Variants in TMEM237 observed in about 807,000 individuals in gnomAD.
TMEM237 encodes transmembrane protein 237, also known as amyotrophic lateral sclerosis 2 (juvenile) chromosome region, candidate 4.
TMEM237 carries 51 observed loss-of-function variants against 59.1 expected under a neutral mutation model. The ratio of observed to expected loss-of-function variants is 0.86; its 90% CI spans 0.69 to 1.09. The LOEUF (loss-of-function observed/expected upper bound fraction) is 1.09. Ranked by LOEUF, TMEM237 falls within the 50% of genes least tolerant of loss-of-function variation. The probability of loss-of-function intolerance (pLI) is 0.00; values close to 1 mark genes in which losing one functional copy is unlikely to be tolerated. For synonymous variants in TMEM237, 140 were observed against 166.1 expected (o/e 0.84, Z 1.21); for missense variants, 475 against 478.3 (o/e 0.99, Z 0.06).
At position 201,632,121 on chromosome 2, in the gene TMEM237, T is replaced by C; in HGVS notation, c.483A>G (p.Glu161=). The C allele has an allele frequency of 1.9e-6, 3 of 1,613,990 alleles. No individual in the cohort carries two copies. Among genetic ancestry groups the C allele is most frequent in the Non-Finnish European group, 2.5e-6 (3 of 1,179,844 alleles). Residue 161 remains glutamate, a synonymous_variant, in exon 7 of 13, where the codon GAA becomes GAG. Coordinates refer to ENST00000409883, the MANE Select transcript of TMEM237 (RefSeq NM_001044385.3). ...TGGGTGCAGTGAATACAGACTGCTG[T>C]TCCACAGTAGTTTGCTCATCAGTGA... is the stretch of plus-strand genomic sequence containing the variant. ...DIITDEQTTV[E]QQSVFTAPTG...
chr2:201,637,622 T>C (rs1316943812), intron 4 of TMEM237, among the ~76,000 whole-genome samples: 1 of 151,736 alleles, frequency 6.6e-6, no homozygotes, highest in Non-Finnish European at 1.5e-5. Context: ...CATGCGCCTG[T>C]AGTCCCAGCT....
chr2:201,638,437 T>G (rs1278559266), intron 4 of TMEM237: 1 of 152,210 alleles, frequency 6.6e-6, no homozygotes, highest in Non-Finnish European at 1.5e-5. Context: ...TTATTTATTC[T>G]TAAAGGCAAC....
chr2:201,624,144 T>G lies in TMEM237; in HGVS notation c.*111A>C. On this transcript the variant is annotated 3_prime_UTR_variant, in exon 13 of 13. Coordinates refer to ENST00000409883, the MANE Select transcript of TMEM237 (RefSeq NM_001044385.3). Reference sequence around the variant, plus strand: ...AATATTGAGAGATGTTTCAGTATTATATAATCAAAAAATCTATTACAAATA... The same window carrying G: ...AATATTGAGAGATGTTTCAGTATTAGATAATCAAAAAATCTATTACAAATA... The G allele has an allele frequency of 1.5e-6, 1 of 669,680 alleles. No homozygotes were observed. Among genetic ancestry groups the G allele is most frequent in the Admixed American group, 3.2e-5 (1 of 31,174 alleles). The allele number at this position is 669,680 out of a possible 1,614,324, so 41.5% of individuals were successfully genotyped here.
intron 1 of TMEM237, chr2:201,642,463 A>G (rs764590859): frequency 2.2e-5 from 19 of 865,000 alleles, no homozygotes; most frequent in Non-Finnish European, 3.3e-5. Context: ...GATCGATCCC[A>G]GGGCTCTGTT....
chr2:201,640,208 A>T (rs1316632316), intron 3 of TMEM237, 53 bp downstream of exon 3: 1 of 1,466,152 alleles, frequency 6.8e-7, no homozygotes, highest in Non-Finnish European at 9.1e-7. Context: ...CAAACCAAGG[A>T]ATCAAACTAA....
At chr2:201,626,801 G>T (rs565740458) in intron 11 of TMEM237, among the ~76,000 whole-genome samples, 1 of 152,308 alleles carries the variant, frequency 6.6e-6, no homozygotes, top group Admixed American at 6.5e-5. Context: ...CTATAACTTG[G>T]CTGGGCGCAG....
At chr2:201,637,213 G>A (rs1687314440) in intron 4 of TMEM237, among the ~76,000 whole-genome samples, 1 of 152,202 alleles carries the variant, frequency 6.6e-6, no homozygotes, top group South Asian at 2.1e-4. Flanking sequence ...TGATACCATA[G>A]AGAATTCTCT....
Position 201,620,196 on chromosome 2 carries a change from G to A in TMEM237, c.*4059C>T, listed in dbSNP as rs918267713. On this transcript the variant is annotated 3_prime_UTR_variant, in exon 13 of 13. Transcript: ENST00000409883. ...AACAGAACAAAACCAGAGAATTCCAGAACTTCTTTATTGTACATAAAAATC... is the reference window on the plus strand; with the variant it reads ...AACAGAACAAAACCAGAGAATTCCAAAACTTCTTTATTGTACATAAAAATC... The A allele has an allele frequency of 6.6e-6, 1 of 152,038 alleles. No homozygotes were observed. The highest frequency in any genetic ancestry group is 1.5e-5 in the Non-Finnish European group (1 of 67,988). The allele number at this position is 152,038 out of a possible 1,614,324, so 9.4% of individuals were successfully genotyped here. A position where few individuals can be genotyped will look rare whatever the true frequency, so the allele number is the denominator to read the frequency against.
At position 201,629,816 on chromosome 2, in the gene TMEM237, T is replaced by C; in HGVS notation, c.590A>G (p.Lys197Arg). The C allele has an allele frequency of 6.2e-7, 1 of 1,613,534 alleles. No homozygotes were observed. The highest frequency in any genetic ancestry group is 8.5e-7 in the Non-Finnish European group (1 of 1,179,798). ...FQAADRSELI[K>R]TTENIDVSMD... is the part of the protein sequence containing the mutation. ...TGACACATCTATGTTTTCTGTGGTC[T>C]TTATCAACTCTGAACGATCAGCAGC... The change falls in exon 8 of 13, where the codon AAG becomes AGG. Residue 197 changes from lysine to arginine, a missense_variant. Physicochemically the swap from Lys to Arg is conservative, Grantham distance 26. Transcript: ENST00000409883.
chr2:201,636,904 GA>G lies in TMEM237; in HGVS notation c.137-20del. 4.4e-6 allele frequency: 7 copies of G among 1,576,844 alleles called. No individual in the cohort carries two copies. Among genetic ancestry groups the G allele is most frequent in the East Asian group, 2.2e-5 (1 of 44,558 alleles). ...GCACTTGCTATAGAAAAACAGAGTA[GA>G]AAAAAATGAGATTACTTGAGCAAAG... On this transcript the variant is annotated intron_variant, in intron 4 of 12. Coordinates refer to ENST00000409883, the MANE Select transcript of TMEM237 (RefSeq NM_001044385.3).
chr2:201,642,444 AGCGC>A (rs2105905249), intron 1 of TMEM237, among the ~76,000 whole-genome samples: 1 of 152,292 alleles, frequency 6.6e-6, no homozygotes, highest in African/African-American at 2.4e-5. Flanking sequence ...GATGCTACGA[AGCGC>A]GCGCGATCGA....
chr2:201,627,148 T>C (rs1260484167), intron 11 of TMEM237, among the ~76,000 whole-genome samples, 173 bp downstream of exon 11: 1 of 151,544 alleles, frequency 6.6e-6, no homozygotes, highest in African/African-American at 2.4e-5. Flanking sequence ...TCATTAAAAA[T>C]GCAGGTGGAC....
In TMEM237 at chr2:201,640,282, C is replaced by G; in HGVS notation, c.75-17G>C. Reference sequence around the variant, plus strand: ...TCACCTTGACTAACACGTCATATAACACCAAACAAATTTAATCAGCAGGAC... The same window carrying G: ...TCACCTTGACTAACACGTCATATAAGACCAAACAAATTTAATCAGCAGGAC... On this transcript the variant is annotated splice_polypyrimidine_tract_variant and intron_variant, in intron 2 of 12. Coordinates refer to ENST00000409883, the MANE Select transcript of TMEM237 (RefSeq NM_001044385.3). The G allele has an allele frequency of 6.5e-7, 1 of 1,547,584 alleles. No homozygotes were observed. The highest frequency in any genetic ancestry group is 8.6e-7 in the Non-Finnish European group (1 of 1,157,542).
At chr2:201,627,648 A>G in intron 10 of TMEM237, among the ~76,000 whole-genome samples, 1 of 152,156 alleles carries the variant, frequency 6.6e-6, no homozygotes, top group Non-Finnish European at 1.5e-5. Flanking sequence ...AACTGACAAG[A>G]ACCTAGAACA....
chr2:201,629,736 C>A lies in TMEM237; in HGVS notation c.670G>T (p.Ala224Ser). The A allele has an allele frequency of 6.2e-7, 1 of 1,606,668 alleles. No homozygotes were observed. The highest frequency in any genetic ancestry group is 1.1e-5 in the South Asian group (1 of 88,766). Residue 224 changes from alanine (A) to serine (S), a missense_variant, in exon 8 of 13, where the codon GCT (alanine) becomes TCT (serine). Coordinates refer to ENST00000409883, the MANE Select transcript of TMEM237 (RefSeq NM_001044385.3). ...TCCAACAAAAGCAGCCACCTGAAAG[C>A]CCGGTGCACTGTAAGTGCCACATCT... ...TRDVALTVHR[A>S]FRMIGLFSHG...
rs373811074 is a variant in TMEM237 at position 201,636,771 on chromosome 2, T to C, written c.251A>G (p.Gln84Arg). The C allele has an allele frequency of 9.1e-5, 144 of 1,579,832 alleles. No individual in the cohort carries two copies. In the African/African-American group the frequency reaches 1.7e-3, roughly 19 times the overall value. Residue 84 changes from glutamine (Q) to arginine (R), a missense_variant, in exon 5 of 13, where the codon CAG (glutamine) becomes CGG (arginine). By Grantham distance (43) the Gln-to-Arg change is conservative (BLOSUM62 1). Transcript: ENST00000409883. ...EHPEAPVQRR[Q>R]KKTRLPLELE... Reference sequence around the variant, plus strand: ...ACCAAGAGGTAGCCTTGTCTTTTTCTGTCTTCTTTGAACAGGAGCCTCTGG... The same window carrying C: ...ACCAAGAGGTAGCCTTGTCTTTTTCCGTCTTCTTTGAACAGGAGCCTCTGG...
At position 201,637,022 on chromosome 2, in the gene TMEM237, T is replaced by A. The variant is rs143766150; in HGVS notation, c.137-137A>T. The A allele has an allele frequency of 5.3e-4, 456 of 853,722 alleles. 2 individuals are homozygous for A. The East Asian group carries it at 0.013, about 24-fold the overall frequency. 52.9% of individuals were successfully genotyped at this position (853,722 alleles called of 1,614,324 possible). A position where few individuals can be genotyped will look rare whatever the true frequency, so the allele number is the denominator to read the frequency against. ...CTTTCAGAACTAATTATCCCCCAAA[T>A]CTTTCCTTCCTCCTCACCTGTAACT... is the stretch of plus-strand genomic sequence containing the variant. On this transcript the variant is annotated intron_variant, in intron 4 of 12. Transcript: ENST00000409883.
intron 5 of TMEM237, among the ~76,000 whole-genome samples, chr2:201,633,699 C>T (rs908017424): frequency 2.6e-5 from 4 of 152,142 alleles, no homozygotes; most frequent in South Asian, 2.1e-4. Context: ...TCTCCTGGTT[C>T]GCTGACTTTC....
In TMEM237 at chr2:201,643,023, C is replaced by A. The variant is rs1260432092; in HGVS notation, c.42+336G>T. On this transcript the variant is annotated intron_variant, in intron 1 of 12. Coordinates refer to ENST00000409883, the MANE Select transcript of TMEM237 (RefSeq NM_001044385.3). This position sits in a 1 kb window ranked among gnomAD's most constrained non-coding sequence, Gnocchi z 4.3. ...TTCTGGGCAGCTACAGACCTCTCCT[C>A]GGAGGAGTCTAGGAGAGGCCTGGCT... 13 of 1,282,286 alleles carry A rather than the reference C, an allele frequency of 1.0e-5. No individual in the cohort carries two copies. Among genetic ancestry groups the A allele is most frequent in the South Asian group, 2.1e-5 (1 of 48,206 alleles). The allele number at this position is 1,282,286 out of a possible 1,614,324, so 79.4% of individuals were successfully genotyped here. A position where few individuals can be genotyped will look rare whatever the true frequency, so the allele number is the denominator to read the frequency against.
Sources: allele counts gnomAD v4.1 joint callset (sites outside exome capture counted in the v4.1 genomes callset), GRCh38; gene constraint gnomAD v4.1.1; non-coding constraint Gnocchi (gnomAD v3.1); transcripts MANE v1.5; gene names NCBI Gene and HGNC (gene_info 2026-07-23, HGNC 2026-07-21).